Variants in CNGA1 observed in about 807,000 individuals in gnomAD.
CNGA1 encodes the protein cyclic nucleotide gated channel subunit alpha 1.
CNGA1 carries 53 observed loss-of-function variants against 69.7 expected under a neutral mutation model. That is an observed-to-expected ratio of 0.76 (90% CI 0.61 to 0.96). The LOEUF (loss-of-function observed/expected upper bound fraction) is 0.96. Among genes scored for constraint, CNGA1 ranks in the 40% least tolerant of loss-of-function variants. The probability of loss-of-function intolerance (pLI) is 0.00; values close to 1 mark genes in which losing one functional copy is unlikely to be tolerated. For missense variants in CNGA1, 739 were observed against 811.2 expected, an observed-to-expected ratio of 0.91 and a Z score of 1.08; for synonymous variants, 249 against 283.5, an observed-to-expected ratio of 0.88 and a Z score of 1.22.
chr4:47,949,013 A>G (rs1739589612), intron 6 of CNGA1, among the ~76,000 whole-genome samples: 1 of 152,226 alleles, frequency 6.6e-6, no homozygotes, highest in Non-Finnish European at 1.5e-5. Flanking sequence ...AAGCTTTCTC[A>G]GGAAAAAATA....
chr4:48,012,039 A>G, intron 1 of CNGA1, among the ~76,000 whole-genome samples: 1 of 152,206 alleles, frequency 6.6e-6, no homozygotes, highest in African/African-American at 2.4e-5. Flanking sequence ...CCTACAAAGA[A>G]CAGCTTTGCA....
chr4:48,002,699 AC>A (rs71200912), intron 2 of CNGA1, among the ~76,000 whole-genome samples: 17,373 of 136,932 alleles, frequency 0.13, 1,264 homozygotes, highest in Middle Eastern at 0.14. Flanking sequence ...AAAAAAAAAA[AC>A]AAAAACAAAA....
chr4:47,963,665 G>A (rs1740579243), intron 3 of CNGA1, among the ~76,000 whole-genome samples: 1 of 152,064 alleles, frequency 6.6e-6, no homozygotes, highest in African/African-American at 2.4e-5. Flanking sequence ...TAATCCTCAC[G>A]GTAGCATATA....
At chr4:47,981,796 C>T (rs1366287252) in intron 2 of CNGA1, among the ~76,000 whole-genome samples, 2 of 152,182 alleles carry the variant, frequency 1.3e-5, no homozygotes, top group African/African-American at 4.8e-5. Context: ...GTACTATTGC[C>T]TGATGAATTT....
At chr4:47,950,173 C>G (rs764959512) in intron 5 of CNGA1, among the ~76,000 whole-genome samples, 5 of 152,206 alleles carry the variant, frequency 3.3e-5, no homozygotes, top group Non-Finnish European at 7.3e-5. Context: ...TGAATTATAG[C>G]TCCCATAATC....
intron 3 of CNGA1, among the ~76,000 whole-genome samples, chr4:47,953,380 C>T (rs900041249): frequency 6.6e-6 from 1 of 152,166 alleles, no homozygotes; most frequent in African/African-American, 2.4e-5. Context: ...AGGGACCTCG[C>T]ATACCCATCA....
intron 2 of CNGA1, among the ~76,000 whole-genome samples, chr4:48,008,257 C>T (rs966729555): frequency 6.6e-6 from 1 of 151,998 alleles, no homozygotes; most frequent in African/African-American, 2.4e-5. Flanking sequence ...CTGGTTTGTC[C>T]TGAACATCCC....
intron 3 of CNGA1, among the ~76,000 whole-genome samples, chr4:47,959,622 T>A (rs573616341): frequency 3.9e-5 from 6 of 151,996 alleles, no homozygotes; most frequent in Non-Finnish European, 7.4e-5. Flanking sequence ...AGAAAAAAAA[T>A]TTTTTTAGAC....
At chr4:48,006,478 C>T (rs1334862076) in intron 2 of CNGA1, among the ~76,000 whole-genome samples, 2 of 152,082 alleles carry the variant, frequency 1.3e-5, no homozygotes, top group Non-Finnish European at 2.9e-5. Flanking sequence ...CATTTTTATA[C>T]AAATACAGCC....
In CNGA1 at chr4:47,984,693, C is replaced by CAT. The variant is rs1202019004; in HGVS notation, c.-122-3195_-122-3194dup. 5.1e-3 allele frequency among the ~76,000 whole-genome samples: 679 copies of CAT among 132,826 alleles called. 1 individual carries two copies. The highest frequency in any genetic ancestry group is 7.7e-3 in the Non-Finnish European group (455 of 59,292). 87.1% of individuals were successfully genotyped at this position (132,826 alleles called of 152,430 possible). Reference sequence around the variant, plus strand: ...ACACACACACACACACACACACACACATATATATATAATATATATAATTGT... The same window carrying CAT: ...ACACACACACACACACACACACACACATATATATATATAATATATATAATTGT... On this transcript the variant is annotated intron_variant, in intron 2 of 10. Transcript: ENST00000514170.
At chr4:47,992,155 T>A (rs1162448622) in intron 2 of CNGA1, among the ~76,000 whole-genome samples, 4 of 152,150 alleles carry the variant, frequency 2.6e-5, no homozygotes, top group Non-Finnish European at 5.9e-5. Flanking sequence ...TAAGGGCTCT[T>A]TTTTGGTTCC....
At position 47,936,774 on chromosome 4, in the gene CNGA1, A is replaced by G. The variant is rs1738669897; in HGVS notation, c.1708T>C (p.Phe570Leu). 1 of 1,614,054 alleles carries G rather than the reference A, an allele frequency of 6.2e-7. No individual in the cohort carries two copies. The highest frequency in any genetic ancestry group is 8.5e-7 in the Non-Finnish European group (1 of 1,180,044). ...NIKSIGYSDLFCLSKDDLMEA... is the reference protein window; with the variant it reads ...NIKSIGYSDLLCLSKDDLMEA... ...ATGAGGTCATCTTTTGAGAGACAGAACAGGTCTGAGTAGCCAATACTTTTA... is the reference window on the plus strand; with the variant it reads ...ATGAGGTCATCTTTTGAGAGACAGAGCAGGTCTGAGTAGCCAATACTTTTA... The change falls in exon 11 of 11, where the codon TTC becomes CTC. Residue 570 changes from phenylalanine (F) to leucine (L), a missense_variant. Physicochemically the swap from Phe to Leu is conservative, Grantham distance 22. Coordinates refer to ENST00000514170, the MANE Select transcript of CNGA1 (RefSeq NM_001379270.1).
At chr4:47,984,835 G>C (rs999648457) in intron 2 of CNGA1, among the ~76,000 whole-genome samples, 9 of 151,910 alleles carry the variant, frequency 5.9e-5, no homozygotes, top group Non-Finnish European at 1.2e-4. Flanking sequence ...TTGCTTCTTG[G>C]GGAGTTAAGA....
chr4:47,956,444 G>C (rs532549419), intron 3 of CNGA1, among the ~76,000 whole-genome samples: 35 of 152,296 alleles, frequency 2.3e-4, no homozygotes, highest in African/African-American at 8.4e-4. Context: ...CCACTTTCAG[G>C]TTACAAGAGA....
intron 3 of CNGA1, among the ~76,000 whole-genome samples, chr4:47,973,953 G>T (rs1368784028): frequency 1.3e-5 from 2 of 152,022 alleles, no homozygotes; most frequent in African/African-American, 2.4e-5. Context: ...AGCACTTTGG[G>T]TGGTTGAGGC....
At chr4:47,974,993 T>G (rs951501390) in intron 3 of CNGA1, among the ~76,000 whole-genome samples, 1 of 152,218 alleles carries the variant, frequency 6.6e-6, no homozygotes, top group South Asian at 2.1e-4. Flanking sequence ...AAAATATGTA[T>G]AAGGCAATAT....
At chr4:47,969,859 T>C (rs1370340540) in intron 3 of CNGA1, among the ~76,000 whole-genome samples, 2 of 152,164 alleles carry the variant, frequency 1.3e-5, no homozygotes, top group African/African-American at 2.4e-5. Context: ...GACAAAAATA[T>C]TTATCAATAC....
intron 2 of CNGA1, among the ~76,000 whole-genome samples, chr4:47,995,971 T>C (rs1027713920): frequency 2.0e-5 from 3 of 152,152 alleles, no homozygotes; most frequent in African/African-American, 7.2e-5. Flanking sequence ...CTAGGGGTTG[T>C]CTGCACAGAG....
At chr4:47,963,242 C>T (rs974917595) in intron 3 of CNGA1, among the ~76,000 whole-genome samples, 28 of 152,376 alleles carry the variant, frequency 1.8e-4, no homozygotes, top group Non-Finnish European at 3.1e-4. Flanking sequence ...TGGGCCATCA[C>T]GCCAAGCCAA....
Sources: gnomAD v4.1 joint callset for allele counts (sites outside exome capture counted in the v4.1 genomes callset) on GRCh38, gnomAD v4.1.1 for gene constraint, MANE v1.5 for transcripts, NCBI Gene and HGNC (gene_info 2026-07-23, HGNC 2026-07-21) for gene names.